SCML1: variants seen among roughly 807,000 people sequenced by gnomAD.
The protein encoded by SCML1 is sex comb on midleg-like protein 1.
For synonymous variants in SCML1, 104 were observed against 103.6 expected, an observed-to-expected ratio of 1.00 and a Z score of -0.02; for missense variants, 137 against 258.1, an observed-to-expected ratio of 0.53 and a Z score of 3.22.
intron 4 of SCML1, among the ~76,000 whole-genome samples, chrX:17,746,633 G>C (rs758023253): frequency 8.9e-6 from 1 of 112,219 alleles, no homozygotes; most frequent in African/African-American, 3.2e-5. Flanking sequence ...CATATATAAG[G>C]TTTCTTGAAT....
intron 5 of SCML1, 124 bp from the exon 6 acceptor site, chrX:17,749,770 G>A: frequency 1.6e-6 from 1 of 643,912 alleles, no homozygotes; most frequent in Non-Finnish European, 2.4e-6. Context: ...ATAATCAAAA[G>A]GGACCATTTA....
chrX:17,749,335 C>A, intron 4 of SCML1, 65 bp from the exon 5 acceptor site: 1 of 647,641 alleles, frequency 1.5e-6, no homozygotes, highest in Non-Finnish European at 2.3e-6. Flanking sequence ...CGTTACTTTT[C>A]TTTGAAATAA....
intron 1 of SCML1, among the ~76,000 whole-genome samples, chrX:17,741,370 C>T (rs1050898836): frequency 9.0e-6 from 1 of 111,501 alleles, no homozygotes; most frequent in Non-Finnish European, 1.9e-5. Context: ...CAGTACCAGG[C>T]GGTTGCCCAG....
chrX:17,748,496 G>T (rs1336820920), intron 4 of SCML1, among the ~76,000 whole-genome samples: 1 of 111,946 alleles, frequency 8.9e-6, no homozygotes, highest in African/African-American at 3.2e-5. Context: ...ATGAGCCACC[G>T]CACCCGGCCA....
intron 1 of SCML1, among the ~76,000 whole-genome samples, chrX:17,739,558 T>C (rs1051899845): frequency 4.5e-5 from 5 of 111,146 alleles, no homozygotes; most frequent in African/African-American, 1.3e-4. Flanking sequence ...TATGGTGTTA[T>C]CAAGAATTGG....
intron 4 of SCML1, among the ~76,000 whole-genome samples, chrX:17,747,121 A>G (rs935135915): frequency 8.1e-5 from 9 of 111,620 alleles, no homozygotes; most frequent in African/African-American, 1.3e-4. Context: ...ACTCGTGGAG[A>G]TAGTGGAGCA....
chrX:17,746,753 A>T (rs1268787903), intron 4 of SCML1, among the ~76,000 whole-genome samples: 1 of 111,931 alleles, frequency 8.9e-6, no homozygotes, highest in Non-Finnish European at 1.9e-5. Flanking sequence ...CTTGGGGGGA[A>T]GTGGGTGCAG....
Position 17,746,842 on chromosome X carries a change from T to A in SCML1, c.198+744T>A, listed in dbSNP as rs1017104084. 1.3e-4 allele frequency among the ~76,000 whole-genome samples: 15 copies of A among 111,681 alleles called. No homozygotes were observed. In the South Asian group the frequency reaches 4.1e-3, roughly 31 times the overall value. Reference sequence around the variant, plus strand: ...CTGCTAGGTCATGGTCTAGGTCAGCTTATACGCTGAGGTGGGAGGTAGCAT... The same window carrying A: ...CTGCTAGGTCATGGTCTAGGTCAGCATATACGCTGAGGTGGGAGGTAGCAT... On this transcript the variant is annotated intron_variant, in intron 4 of 7. Transcript: ENST00000380041.
At chrX:17,751,791 T>A (rs754571366) in intron 6 of SCML1, 24 bp from the exon 7 acceptor site, 1 of 1,201,510 alleles carries the variant, frequency 8.3e-7, no homozygotes, top group Admixed American at 2.2e-5. Context: ...TGTCTTTTTT[T>A]TCTTTTCCCC....
rs987880931 is a variant in SCML1, at chrX:17,740,560, G to T, written c.-117+2880G>T. ...CAACTTACTTACACAGCTAGTATGT[G>T]GGGGAGGTGGGACCCAAACCCAGGT... On this transcript the variant is annotated intron_variant, in intron 1 of 7. Coordinates refer to ENST00000380041, the MANE Select transcript of SCML1 (RefSeq NM_001037540.3). Among the ~76,000 whole-genome samples, 3 of 110,892 alleles carry T rather than the reference G, an allele frequency of 2.7e-5. No individual in the cohort carries two copies. The East Asian group carries it at 8.4e-4, about 31-fold the overall frequency.
At position 17,749,921 on chromosome X, in the gene SCML1, T is replaced by C. The variant is rs1343150382; in HGVS notation, c.331T>C (p.Tyr111His). ...HKRYGYKKHS[Y>H]RLVKKLKLQK... Reference sequence around the variant, plus strand: ...GCGATATGGATATAAAAAGCATTCTTACCGGCTTGTTAAAAAGCTTAAACT... The same window carrying C: ...GCGATATGGATATAAAAAGCATTCTCACCGGCTTGTTAAAAAGCTTAAACT... The change falls in exon 6 of 8, where the codon TAC (tyrosine) becomes CAC (histidine). Residue 111 changes from tyrosine to histidine, a missense_variant. Physicochemically the swap from Tyr to His is moderately conservative, Grantham distance 83. Transcript: ENST00000380041. 2 of 1,208,505 alleles carry C rather than the reference T, an allele frequency of 1.7e-6. No individual in the cohort carries two copies. Among genetic ancestry groups the C allele is most frequent in the Non-Finnish European group, 2.2e-6 (2 of 894,229 alleles).
rs764062443 is a variant in SCML1, at chrX:17,750,127, G to A, written c.537G>A (p.Pro179=). 5.8e-6 allele frequency: 7 copies of A among 1,210,379 alleles called. No individual in the cohort carries two copies. The South Asian group carries it at 7.0e-5, about 12-fold the overall frequency. ...LEEDPILSRT[P]SPVHPSDFSE... ...AGGACCCGATCCTCAGCCGCACTCCGAGTCCAGTGCATCCCTCAGATTTCT... is the reference window on the plus strand; with the variant it reads ...AGGACCCGATCCTCAGCCGCACTCCAAGTCCAGTGCATCCCTCAGATTTCT... Residue 179 remains proline, a synonymous_variant, in exon 6 of 8, where the codon CCG becomes CCA. Coordinates refer to ENST00000380041, the MANE Select transcript of SCML1 (RefSeq NM_001037540.3).
chrX:17,737,356 G>A (rs1194941180), upstream of SCML1: 2 of 89,111 alleles, frequency 2.2e-5, no homozygotes, highest in Admixed American at 1.3e-4. Context: ...GAGAGCACCC[G>A]CGGATTGGCC....
rs745488001 is a variant in SCML1, at chrX:17,749,492, G to A, written c.291G>A (p.Leu97=). ...SKIQRFHARS[L]WTNHKRYGYK... The stretch of plus-strand genomic sequence containing the variant: ...TCCAACGTTTCCATGCGAGATCCCT[G>A]TGGACAAATCATGTAAGTGTTATAA... Residue 97 remains leucine, a synonymous_variant, in exon 5 of 8, where the codon CTG becomes CTA. Transcript: ENST00000380041. 79 of 1,154,031 alleles carry A rather than the reference G, an allele frequency of 6.8e-5. No homozygotes were observed.
At chrX:17,749,314 T>C in intron 4 of SCML1, 86 bp from the exon 5 acceptor site, 1 of 547,086 alleles carries the variant, frequency 1.8e-6, no homozygotes, top group Non-Finnish European at 2.8e-6. Flanking sequence ...TTTGACTTAA[T>C]GGTATTTTCA....
intron 3 of SCML1, 83 bp from the exon 4 acceptor site, chrX:17,745,935 A>G (rs2066638639): frequency 6.0e-6 from 3 of 500,527 alleles, no homozygotes; most frequent in Non-Finnish European, 9.7e-6. Context: ...ATTTAAATAA[A>G]TAAATATAGC....
chrX:17,751,670 GTTGGAGTC>G, intron 6 of SCML1, 137 bp from the exon 7 acceptor site: 1 of 564,692 alleles, frequency 1.8e-6, no homozygotes, highest in Non-Finnish European at 2.7e-6. Flanking sequence ...AGATTTTACA[GTTGGAGTC>G]TTGACTCCTT....
chrX:17,746,395 G>A (rs1017140084), intron 4 of SCML1, among the ~76,000 whole-genome samples: 1 of 111,889 alleles, frequency 8.9e-6, no homozygotes, highest in South Asian at 3.7e-4. Context: ...ATCCTTAAAG[G>A]AAATTGACTG....
chrX:17,749,589 A>C, intron 5 of SCML1, 85 bp downstream of exon 5: 1 of 596,145 alleles, frequency 1.7e-6, no homozygotes, highest in Non-Finnish European at 2.7e-6. Flanking sequence ...AGAGAGTACC[A>C]GTATCTGTGT....
Sources: gnomAD v4.1 joint callset for allele counts (sites outside exome capture counted in the v4.1 genomes callset) on GRCh38, gnomAD v4.1.1 for gene constraint, MANE v1.5 for transcripts, NCBI Gene and HGNC (gene_info 2026-07-23, HGNC 2026-07-21) for gene names.